RYR2: variants seen among roughly 807,000 people sequenced by gnomAD.
RYR2 encodes ryanodine receptor 2, also known as cardiac muscle ryanodine receptor-calcium release channel.
RYR2 carries 227 observed loss-of-function variants against 601.1 expected under a neutral mutation model. That is an observed-to-expected ratio of 0.38 (90% CI 0.34 to 0.42). RYR2 has a LOEUF of 0.42. Among genes scored for constraint, RYR2 ranks in the 10% least tolerant of loss-of-function variants. The probability of loss-of-function intolerance (pLI) is 1.00; values close to 1 mark genes in which losing one functional copy is unlikely to be tolerated. For synonymous variants in RYR2, 2,223 were observed against 2,175.1 expected (o/e 1.02, Z -0.61); for missense variants, 4,646 against 6,156.5 (o/e 0.75, Z 8.21).
In RYR2 at chr1:237,109,341, G is replaced by A. The variant is rs188567861; in HGVS notation, c.48+66772G>A. ...AAATATAATCTTAGAAGATGGTAAA[G>A]CTGGTTTTTTTTTTAAGTTGGCAAA... is the stretch of plus-strand genomic sequence containing the variant. On this transcript the variant is annotated intron_variant, in intron 1 of 104. Transcript: ENST00000366574. Among the ~76,000 whole-genome samples, 476 of 99,350 alleles carry A rather than the reference G, an allele frequency of 4.8e-3. 2 individuals are homozygous for A. Among genetic ancestry groups the A allele is most frequent in the African/African-American group, 0.012 (443 of 37,468 alleles). 65.2% of individuals were successfully genotyped at this position (99,350 alleles called of 152,430 possible).
chr1:237,097,682 G>T (rs908217615), intron 1 of RYR2, among the ~76,000 whole-genome samples: 3 of 152,180 alleles, frequency 2.0e-5, no homozygotes, highest in Non-Finnish European at 4.4e-5. Context: ...AGGAGGATAT[G>T]GGCTTAAGTA....
chr1:237,371,412 C>A (rs533727726), intron 6 of RYR2, among the ~76,000 whole-genome samples: 1 of 152,246 alleles, frequency 6.6e-6, no homozygotes, highest in East Asian at 1.9e-4. Flanking sequence ...TCGCCTTGGC[C>A]TCCCAAAGTC....
rs368530301 is a variant in RYR2, at chr1:237,788,176, A to C, written c.13476+41A>C. ...ATGAATATTGTTACTGATATAGTGCAATACCGTAATAATTTAGGCTCAGTA... is the reference window on the plus strand; with the variant it reads ...ATGAATATTGTTACTGATATAGTGCCATACCGTAATAATTTAGGCTCAGTA... On this transcript the variant is annotated intron_variant, in intron 92 of 104. Coordinates refer to ENST00000366574, the MANE Select transcript of RYR2 (RefSeq NM_001035.3). 73 of 1,504,988 alleles carry C rather than the reference A, an allele frequency of 4.9e-5. No homozygotes were observed. The African/African-American group carries it at 8.6e-4, about 18-fold the overall frequency. 93.2% of individuals were successfully genotyped at this position (1,504,988 alleles called of 1,614,324 possible).
In RYR2 at chr1:237,708,842, G is replaced by A. The variant is rs1451290441; in HGVS notation, c.9902-16G>A. The A allele has an allele frequency of 3.7e-6, 6 of 1,600,788 alleles. No homozygotes were observed. Among genetic ancestry groups the A allele is most frequent in the Admixed American group, 1.7e-5 (1 of 58,988 alleles). ...TGGTTTTACAGAGCAGAATACTAATGTCTGTCTTTAAACAGTGTTTTCCCA... is the reference window on the plus strand; with the variant it reads ...TGGTTTTACAGAGCAGAATACTAATATCTGTCTTTAAACAGTGTTTTCCCA... On this transcript the variant is annotated splice_polypyrimidine_tract_variant and intron_variant, in intron 68 of 104. Coordinates refer to ENST00000366574, the MANE Select transcript of RYR2 (RefSeq NM_001035.3).
rs550306957 is a variant in RYR2 at position 237,594,327 on chromosome 1, T to A, written c.4436+691T>A. On this transcript the variant is annotated intron_variant, in intron 33 of 104. Transcript: ENST00000366574. The stretch of plus-strand genomic sequence containing the variant: ...GACAGGTCTCCGAAAGAGTCCTTTA[T>A]AACGTTGCTTTTCTTCTATACTTGC... Among the ~76,000 whole-genome samples, 15 of 152,348 alleles carry A rather than the reference T, an allele frequency of 9.8e-5. No individual in the cohort carries two copies. In the East Asian group the frequency reaches 1.9e-3, roughly 20 times the overall value.
intron 1 of RYR2, among the ~76,000 whole-genome samples, chr1:237,204,503 CA>C (rs67002856): frequency 0.24 from 25,471 of 106,486 alleles, 3,164 homozygotes; most frequent in African/African-American, 0.44. Context: ...AAAACAAAAA[CA>C]AAAAAAAAAA....
At chr1:237,615,863 T>C (rs1030860820) in intron 37 of RYR2, among the ~76,000 whole-genome samples, 1 of 152,216 alleles carries the variant, frequency 6.6e-6, no homozygotes, top group Non-Finnish European at 1.5e-5. Context: ...AGAAGACCCC[T>C]CAGAGATTTT....
chr1:237,121,029 G>GCT (rs1670708072), intron 1 of RYR2: 1 of 58,186 alleles, frequency 1.7e-5, no homozygotes, highest in East Asian at 6.1e-4. Flanking sequence ...GGTTTAAAAT[G>GCT]CTGTGTGTGT....
At chr1:237,420,206 T>C (rs771600765) in intron 11 of RYR2, among the ~76,000 whole-genome samples, 1 of 152,178 alleles carries the variant, frequency 6.6e-6, no homozygotes, top group Non-Finnish European at 1.5e-5. Flanking sequence ...CTCCTATATT[T>C]TACTCCAGGC....
At chr1:237,275,340 T>C (rs746687751) in intron 2 of RYR2, among the ~76,000 whole-genome samples, 1 of 151,892 alleles carries the variant, frequency 6.6e-6, no homozygotes, top group Non-Finnish European at 1.5e-5. Context: ...AATCTAACAC[T>C]ATGTATACAA....
intron 1 of RYR2, among the ~76,000 whole-genome samples, chr1:237,142,626 GT>G (rs1490532294): frequency 2.6e-5 from 4 of 152,304 alleles, no homozygotes; most frequent in African/African-American, 9.6e-5. Flanking sequence ...TGGTGGGGCA[GT>G]TGGGAAGAGC....
intron 1 of RYR2, among the ~76,000 whole-genome samples, chr1:237,183,340 C>G (rs1033613110): frequency 1.3e-5 from 2 of 152,124 alleles, no homozygotes; most frequent in Admixed American, 6.6e-5. Context: ...AGCAAAAGGA[C>G]TAGAACCAAG....
intron 38 of RYR2, among the ~76,000 whole-genome samples, chr1:237,619,968 A>G (rs1290531164): frequency 6.6e-6 from 1 of 152,178 alleles, no homozygotes; most frequent in Non-Finnish European, 1.5e-5. Context: ...AAGTTCTTTA[A>G]ATATAAGGAA....
At chr1:237,175,114 T>G (rs1677873394) in intron 1 of RYR2, among the ~76,000 whole-genome samples, 1 of 152,232 alleles carries the variant, frequency 6.6e-6, no homozygotes, top group Admixed American at 6.5e-5. Context: ...TAATACAATC[T>G]GAAGGCTCAT....
At chr1:237,084,681 T>C (rs1666109290) in intron 1 of RYR2, among the ~76,000 whole-genome samples, 2 of 152,240 alleles carry the variant, frequency 1.3e-5, no homozygotes, top group South Asian at 2.1e-4. Flanking sequence ...GCCTTCACTG[T>C]TCCCAGTGTC....
chr1:237,501,801 T>A (rs1372049554), intron 21 of RYR2, among the ~76,000 whole-genome samples: 1 of 152,226 alleles, frequency 6.6e-6, no homozygotes, highest in African/African-American at 2.4e-5. Flanking sequence ...CTCACTTTTC[T>A]TTGCTTTTCT....
chr1:237,612,253 G>A (rs568075475), intron 36 of RYR2, among the ~76,000 whole-genome samples: 68 of 152,206 alleles, frequency 4.5e-4, no homozygotes, highest in African/African-American at 1.6e-3. Context: ...GAAACGAAAA[G>A]TAGATTAGTA....
chr1:237,629,346 T>G (rs1253343360), intron 41 of RYR2, among the ~76,000 whole-genome samples: 1 of 151,890 alleles, frequency 6.6e-6, no homozygotes, highest in Non-Finnish European at 1.5e-5. Context: ...GCAGGAAATC[T>G]GTATTTGCAC....
intron 60 of RYR2, 93 bp from the exon 61 acceptor site, chr1:237,677,942 TAGCGGGATAATAC>T: frequency 1.4e-6 from 1 of 728,158 alleles, no homozygotes; most frequent in East Asian, 2.7e-5. Context: ...ACATTCAGTT[TAGCGGGATAATAC>T]ATTTAGCAAT....
Sources: allele counts gnomAD v4.1 joint callset (sites outside exome capture counted in the v4.1 genomes callset), GRCh38; gene constraint gnomAD v4.1.1; transcripts MANE v1.5; gene names NCBI Gene and HGNC (gene_info 2026-07-23, HGNC 2026-07-21).